ARHGAP8: variants seen among roughly 807,000 people sequenced by gnomAD.
ARHGAP8 encodes Rho GTPase activating protein 8, also known as rho GTPase-activating protein 8.
ARHGAP8 carries 62 observed loss-of-function variants against 46.1 expected under a neutral mutation model. The ratio of observed to expected loss-of-function variants is 1.34; its 90% CI spans 1.10 to 1.66. The LOEUF is 1.66. Ranked by LOEUF, ARHGAP8 falls within the 40% of genes most tolerant of loss-of-function variation. The pLI, the probability that ARHGAP8 is intolerant of heterozygous loss-of-function variation, is 0.00. For missense variants in ARHGAP8, 923 were observed against 568.4 expected, an observed-to-expected ratio of 1.62 and a Z score of -6.34; for synonymous variants, 375 against 243.1, an observed-to-expected ratio of 1.54 and a Z score of -5.05.
intron 1 of ARHGAP8, among the ~76,000 whole-genome samples, chr22:44,762,543 C>CTTTTTT (rs11293128): frequency 1.7e-5 from 2 of 120,344 alleles, no homozygotes; most frequent in African/African-American, 3.2e-5. Context: ...CTCTCTCTCT[C>CTTTTTT]TTTTTTTTTT....
intron 10 of ARHGAP8, among the ~76,000 whole-genome samples, chr22:44,852,368 G>A (rs2070118700): frequency 6.6e-6 from 1 of 150,762 alleles, no homozygotes; most frequent in Non-Finnish European, 1.5e-5. Context: ...TGGACATAGG[G>A]AAGACCCCCT....
At chr22:44,793,077 CTCCCAAAG>C (rs374102977) in intron 2 of ARHGAP8, among the ~76,000 whole-genome samples, 61 of 152,250 alleles carry the variant, frequency 4.0e-4, no homozygotes, top group African/African-American at 1.3e-3. Context: ...CCACCTTAGC[CTCCCAAAG>C]TCCTGAGATT....
At chr22:44,817,932 T>A (rs1023001905) in intron 5 of ARHGAP8, among the ~76,000 whole-genome samples, 2 of 152,148 alleles carry the variant, frequency 1.3e-5, no homozygotes, top group African/African-American at 4.8e-5. Context: ...CTGGGTAACA[T>A]GGCGGAACCT....
rs1926460911 is a variant in ARHGAP8, at chr22:44,776,828, G to A, written c.-71-9629G>A. ...TAGGGGTGCATGGGAAGAGGTGTTT[G>A]CTGTTGCTTGTAACTCACCCCTCCT... is the stretch of plus-strand genomic sequence containing the variant. On this transcript the variant is annotated intron_variant, in intron 1 of 11. Transcript: ENST00000356099. 2.0e-5 allele frequency among the ~76,000 whole-genome samples: 3 copies of A among 152,090 alleles called. No individual in the cohort carries two copies. The South Asian group carries it at 6.2e-4, about 32-fold the overall frequency.
rs1448181799 is a variant in ARHGAP8 at position 44,752,631 on chromosome 22, A to AGGCGGGCGGC, written c.-72+11_-72+20dup. On this transcript the variant is annotated splice_donor_region_variant and intron_variant, in intron 1 of 11. Transcript: ENST00000356099. ...GGCCGGCGGGGTCCGTGGCCAGGTA[A>AGGCGGGCGGC]GGCGGGCGGCGGCGGGAGGGAGCGC... 1 of 87,888 alleles carries AGGCGGGCGGC rather than the reference A, an allele frequency of 1.1e-5. No individual in the cohort carries two copies. Among genetic ancestry groups the AGGCGGGCGGC allele is most frequent in the East Asian group, 3.6e-4 (1 of 2,768 alleles). 5.4% of individuals were successfully genotyped at this position (87,888 alleles called of 1,614,324 possible). A position where few individuals can be genotyped will look rare whatever the true frequency, so the allele number is the denominator to read the frequency against.
intron 1 of ARHGAP8, among the ~76,000 whole-genome samples, chr22:44,760,518 T>G (rs1176078504): frequency 6.6e-6 from 1 of 152,110 alleles, no homozygotes; most frequent in Non-Finnish European, 1.5e-5. Flanking sequence ...GAACACCCAG[T>G]TCCAAAACGA....
chr22:44,845,334 G>C lies in ARHGAP8; in HGVS notation c.662G>C (p.Arg221Thr), dbSNP rs750964191. Residue 221 changes from arginine (R) to threonine (T), a missense_variant, in exon 8 of 12, where the codon AGA (arginine) becomes ACA (threonine). Coordinates refer to ENST00000356099, the MANE Select transcript of ARHGAP8 (RefSeq NM_181335.3). ...PVLRFTVTYL[R>T]EKGLRTEGLF... ...CTGAGGTTCACAGTGACGTACCTGA[G>C]AGAGAAAGGTGAGACGGGGCCGGCT... The C allele has an allele frequency of 2.5e-6, 4 of 1,614,030 alleles. No individual in the cohort carries two copies. Among genetic ancestry groups the C allele is most frequent in the Non-Finnish European group, 3.4e-6 (4 of 1,180,012 alleles).
At chr22:44,804,947 A>T (rs1232674206) in intron 3 of ARHGAP8, among the ~76,000 whole-genome samples, 1 of 152,174 alleles carries the variant, frequency 6.6e-6, no homozygotes, top group Non-Finnish European at 1.5e-5. Flanking sequence ...TGCAGGATTC[A>T]TGGGGCGAGC....
chr22:44,759,756 G>C (rs1012703193), intron 1 of ARHGAP8, among the ~76,000 whole-genome samples: 1 of 152,212 alleles, frequency 6.6e-6, no homozygotes, highest in Non-Finnish European at 1.5e-5. Context: ...GTGCTGATTA[G>C]CTCTGGCTTG....
At chr22:44,791,700 AT>A (rs1258038445) in intron 2 of ARHGAP8, among the ~76,000 whole-genome samples, 1 of 152,134 alleles carries the variant, frequency 6.6e-6, no homozygotes, top group Non-Finnish European at 1.5e-5. Context: ...GCAAAACTCC[AT>A]CTCAAAAAAC....
At chr22:44,764,620 C>G (rs1035879131) in intron 1 of ARHGAP8, among the ~76,000 whole-genome samples, 1 of 152,190 alleles carries the variant, frequency 6.6e-6, no homozygotes, top group African/African-American at 2.4e-5. Context: ...TGGGCAAGCC[C>G]TCACCCTCTC....
intron 10 of ARHGAP8, among the ~76,000 whole-genome samples, chr22:44,858,937 A>G (rs938465606): frequency 2.0e-5 from 3 of 151,804 alleles, no homozygotes; most frequent in South Asian, 2.1e-4. Context: ...CTCTGTTGCA[A>G]CTACTCAGCT....
At chr22:44,813,710 TAC>T (rs1174354524) in intron 4 of ARHGAP8, among the ~76,000 whole-genome samples, 1 of 148,390 alleles carries the variant, frequency 6.7e-6, no homozygotes, top group African/African-American at 2.5e-5. Context: ...TAGGTACACC[TAC>T]ACACACTTTC....
At chr22:44,817,059 T>C (rs1602219211) in intron 5 of ARHGAP8, among the ~76,000 whole-genome samples, 4 of 152,258 alleles carry the variant, frequency 2.6e-5, no homozygotes, top group African/African-American at 9.6e-5. Flanking sequence ...CTAATTTTTG[T>C]GTTTTTAGTA....
At position 44,825,608 on chromosome 22, in the gene ARHGAP8, G is replaced by C. The variant is rs368045205; in HGVS notation, c.596+15G>C. ...AGTCTGCAATAGTAAGTGAGCCGGG[G>C]ATGTGCCTGCTCCTATGCCCTGGAG... is the stretch of plus-strand genomic sequence containing the variant. On this transcript the variant is annotated intron_variant, in intron 7 of 11. Coordinates refer to ENST00000356099, the MANE Select transcript of ARHGAP8 (RefSeq NM_181335.3). The C allele has an allele frequency of 6.2e-7, 1 of 1,608,202 alleles. No individual in the cohort carries two copies. The highest frequency in any genetic ancestry group is 8.5e-7 in the Non-Finnish European group (1 of 1,177,144).
intron 7 of ARHGAP8, among the ~76,000 whole-genome samples, chr22:44,834,321 TA>T: frequency 6.6e-6 from 1 of 152,174 alleles, no homozygotes; most frequent in South Asian, 2.1e-4. Context: ...GTTAGTGTAT[TA>T]TTTCCATGAT....
intron 4 of ARHGAP8, among the ~76,000 whole-genome samples, chr22:44,814,129 A>G (rs1257485614): frequency 2.0e-5 from 3 of 152,156 alleles, no homozygotes; most frequent in African/African-American, 7.2e-5. Context: ...AATATTCAAG[A>G]AGGAAGCATG....
At chr22:44,842,212 C>T (rs1931698251) in intron 7 of ARHGAP8, among the ~76,000 whole-genome samples, 1 of 152,148 alleles carries the variant, frequency 6.6e-6, no homozygotes, top group Non-Finnish European at 1.5e-5. Flanking sequence ...CAAAAATTAG[C>T]TGGGCATGGT....
chr22:44,828,425 ATTTTTT>A (rs535537198), intron 7 of ARHGAP8, among the ~76,000 whole-genome samples: 29,873 of 118,370 alleles, frequency 0.25, 3,620 homozygotes, highest in Middle Eastern at 0.38. Context: ...GCAGACCAGA[ATTTTTT>A]TTTTTTTTTT....
Sources: allele counts gnomAD v4.1 joint callset (sites outside exome capture counted in the v4.1 genomes callset), GRCh38; gene constraint gnomAD v4.1.1; transcripts MANE v1.5; gene names NCBI Gene and HGNC (gene_info 2026-07-23, HGNC 2026-07-21).